Variants in YES1 observed in about 807,000 individuals in gnomAD.
YES1 encodes tyrosine-protein kinase Yes.
A neutral mutation model predicts 70.4 loss-of-function variants in YES1; 39 were observed. The observed-to-expected ratio is 0.55, with a 90% CI of 0.43 to 0.72. The LOEUF is 0.72. YES1 is among the 30% of genes least tolerant of loss of function. The pLI is 0.00. For synonymous variants in YES1, 198 were observed against 218.6 expected (o/e 0.91, Z 0.83); for missense variants, 495 against 644.8 (o/e 0.77, Z 2.52).
chr18:793,116 T>C (rs1906357979), intron 1 of YES1, among the ~76,000 whole-genome samples: 2 of 151,304 alleles, frequency 1.3e-5, no homozygotes, highest in Non-Finnish European at 2.9e-5. Context: ...CTGGGCTCAC[T>C]GCAACCTCCA....
chr18:812,426 G>T (rs563300196), upstream of YES1: 53 of 149,418 alleles, frequency 3.5e-4, no homozygotes, highest in African/African-American at 1.2e-3. Context: ...GGGCCACGCC[G>T]GCCCGGCTCC....
intron 1 of YES1, among the ~76,000 whole-genome samples, chr18:808,812 G>T (rs1907227499): frequency 6.6e-6 from 1 of 152,156 alleles, no homozygotes; most frequent in African/African-American, 2.4e-5. Context: ...CTGCATTTCT[G>T]AAACTCCAAC....
At chr18:756,201 G>A (rs1002642130) in intron 2 of YES1, among the ~76,000 whole-genome samples, 1 of 151,664 alleles carries the variant, frequency 6.6e-6, no homozygotes, top group African/African-American at 2.4e-5. Context: ...ATACTGCAAA[G>A]TACTTTACAA....
intron 1 of YES1, among the ~76,000 whole-genome samples, chr18:783,924 T>C (rs1905807845): frequency 6.6e-6 from 1 of 152,214 alleles, no homozygotes; most frequent in South Asian, 2.1e-4. Flanking sequence ...CATTAATTTT[T>C]CATGTTATTA....
At chr18:734,699 C>T (rs920022304) in intron 10 of YES1, among the ~76,000 whole-genome samples, 1 of 145,116 alleles carries the variant, frequency 6.9e-6, no homozygotes, top group African/African-American at 2.7e-5. Flanking sequence ...AAAAAAAAAA[C>T]AATAGATGTT....
At chr18:810,963 T>C (rs1040502459) in intron 1 of YES1, among the ~76,000 whole-genome samples, 2 of 135,076 alleles carry the variant, frequency 1.5e-5, no homozygotes, top group Non-Finnish European at 3.1e-5. Context: ...ATAGTTAAGA[T>C]ATTAGATTTA....
chr18:743,906 G>A (rs577523778), intron 6 of YES1, among the ~76,000 whole-genome samples: 1,305 of 113,780 alleles, frequency 0.011, 21 homozygotes, highest in African/African-American at 0.039. Context: ...ATTCTGACTC[G>A]AAAAAAAAAA....
intron 1 of YES1, among the ~76,000 whole-genome samples, chr18:781,915 G>GATTCTGA (rs1598931893): frequency 6.6e-6 from 1 of 152,270 alleles, no homozygotes; most frequent in East Asian, 1.9e-4. Context: ...ACTAGAGGTA[G>GATTCTGA]CTTAAGCAAA....
chr18:769,716 C>T (rs565351672), intron 1 of YES1, among the ~76,000 whole-genome samples: 13 of 152,048 alleles, frequency 8.5e-5, no homozygotes, highest in Admixed American at 2.6e-4. Context: ...GTGAATTTTA[C>T]TAATTGATTA....
At chr18:801,358 T>C (rs936028466) in intron 1 of YES1, among the ~76,000 whole-genome samples, 13 of 151,694 alleles carry the variant, frequency 8.6e-5, no homozygotes, top group African/African-American at 3.2e-4. Context: ...ATGAACAAAC[T>C]AGTATAGAAG....
At chr18:761,854 A>C (rs1904609297) in intron 1 of YES1, among the ~76,000 whole-genome samples, 1 of 152,248 alleles carries the variant, frequency 6.6e-6, no homozygotes, top group Admixed American at 6.5e-5. Context: ...TTTCAGGTGC[A>C]ATATGAGTTA....
chr18:767,974 T>C (rs1399061734), intron 1 of YES1, among the ~76,000 whole-genome samples: 1 of 152,198 alleles, frequency 6.6e-6, no homozygotes. Context: ...GTGATGGAAT[T>C]ACAGGCATGA....
chr18:790,857 C>A (rs1345511729), intron 1 of YES1, among the ~76,000 whole-genome samples: 4 of 152,186 alleles, frequency 2.6e-5, no homozygotes, highest in African/African-American at 7.2e-5. Context: ...TAGTATCCTT[C>A]CAACAGATAT....
At chr18:759,152 G>A (rs778121763) in intron 1 of YES1, among the ~76,000 whole-genome samples, 1 of 152,202 alleles carries the variant, frequency 6.6e-6, no homozygotes, top group Non-Finnish European at 1.5e-5. Flanking sequence ...TTCTAAAGAT[G>A]TGAGTTAACT....
At chr18:751,090 C>T (rs2080336476) in intron 3 of YES1, among the ~76,000 whole-genome samples, 2 of 152,042 alleles carry the variant, frequency 1.3e-5, no homozygotes, top group South Asian at 2.1e-4. Flanking sequence ...GGAACAATAA[C>T]TGGTAGCAGA....
intron 1 of YES1, among the ~76,000 whole-genome samples, 152 bp downstream of exon 1, chr18:811,962 G>A (rs1048442419): frequency 2.6e-5 from 4 of 152,142 alleles, no homozygotes; most frequent in Admixed American, 6.5e-5. Context: ...CGATCCGGGG[G>A]AGGGGAGAAG....
At chr18:761,758 A>G (rs537302117) in intron 1 of YES1, among the ~76,000 whole-genome samples, 2 of 152,348 alleles carry the variant, frequency 1.3e-5, no homozygotes, top group East Asian at 1.9e-4. Flanking sequence ...CCAGCACCCC[A>G]GTATCAATGC....
intron 1 of YES1, among the ~76,000 whole-genome samples, chr18:783,279 T>A (rs1040197161): frequency 2.0e-5 from 3 of 152,072 alleles, no homozygotes; most frequent in African/African-American, 7.2e-5. Context: ...AAGAGAAAGT[T>A]GAGAAAATAT....
intron 8 of YES1, among the ~76,000 whole-genome samples, chr18:741,950 A>C (rs1461277402): frequency 2.0e-5 from 3 of 152,156 alleles, no homozygotes; most frequent in African/African-American, 4.8e-5. Flanking sequence ...ATAATTTCTT[A>C]ACTTTTGGTT....
Sources: allele counts gnomAD v4.1 joint callset (sites outside exome capture counted in the v4.1 genomes callset), GRCh38; gene constraint gnomAD v4.1.1; transcripts MANE v1.5; gene names NCBI Gene and HGNC (gene_info 2026-07-23, HGNC 2026-07-21).